MPPED2: variants seen among roughly 807,000 people sequenced by gnomAD.
The protein encoded by MPPED2 is metallophosphoesterase MPPED2.
A neutral mutation model predicts 33.0 loss-of-function variants in MPPED2; 5 were observed. The ratio of observed to expected loss-of-function variants is 0.15; its 90% CI spans 0.08 to 0.32. The LOEUF is 0.32. Among genes scored for constraint, MPPED2 ranks in the 10% least tolerant of loss-of-function variants. The probability of loss-of-function intolerance (pLI) is 1.00; values close to 1 mark genes in which losing one functional copy is unlikely to be tolerated. For synonymous variants in MPPED2, 136 were observed against 141.9 expected (o/e 0.96, Z 0.29); for missense variants, 275 against 372.1 (o/e 0.74, Z 2.15).
chr11:30,404,533 A>T (rs545905426), intron 6 of MPPED2, among the ~76,000 whole-genome samples: 17 of 152,342 alleles, frequency 1.1e-4, no homozygotes, highest in African/African-American at 3.8e-4. Context: ...ATTAGCAGGC[A>T]GACTCCCTTT....
downstream of MPPED2, chr11:30,410,012 G>T: frequency 1.3e-6 from 1 of 741,686 alleles, no homozygotes; most frequent in Non-Finnish European, 1.6e-6. Flanking sequence ...ACAGATGACA[G>T]CATGATGGAA....
intron 4 of MPPED2, among the ~76,000 whole-genome samples, chr11:30,420,186 ACC>A (rs753625285): frequency 2.3e-4 from 35 of 152,178 alleles, no homozygotes; most frequent in Non-Finnish European, 4.6e-4. Context: ...GCCCAGTGTA[ACC>A]CCAAGGGTCC....
At chr11:30,551,545 A>G (rs1955714987) in intron 2 of MPPED2, among the ~76,000 whole-genome samples, 1 of 152,206 alleles carries the variant, frequency 6.6e-6, no homozygotes, top group Non-Finnish European at 1.5e-5. Context: ...AGTTTGGTCC[A>G]TTTTGATACT....
intron 6 of MPPED2, among the ~76,000 whole-genome samples, chr11:30,397,889 G>C (rs1947858567): frequency 1.3e-5 from 2 of 152,162 alleles, no homozygotes; most frequent in South Asian, 4.2e-4. Context: ...TTTCAACCAT[G>C]TACCCTGTGA....
At chr11:30,573,820 TC>T (rs966923553) in intron 2 of MPPED2, among the ~76,000 whole-genome samples, 1 of 152,092 alleles carries the variant, frequency 6.6e-6, no homozygotes, top group Non-Finnish European at 1.5e-5. Flanking sequence ...TTCATTCCCT[TC>T]CCACCATGTC....
intron 4 of MPPED2, among the ~76,000 whole-genome samples, chr11:30,427,269 G>GC (rs1948881353): frequency 6.6e-6 from 1 of 152,184 alleles, no homozygotes; most frequent in East Asian, 1.9e-4. Flanking sequence ...TGAAATCTCT[G>GC]CCCCCAAATA....
chr11:30,518,523 C>T (rs1953668108), intron 3 of MPPED2, among the ~76,000 whole-genome samples: 1 of 152,098 alleles, frequency 6.6e-6, no homozygotes, highest in Admixed American at 6.5e-5. Flanking sequence ...GTGATTTACC[C>T]AAGAAAGACA....
chr11:30,496,946 A>T (rs1406373842), intron 3 of MPPED2, among the ~76,000 whole-genome samples: 1 of 152,174 alleles, frequency 6.6e-6, no homozygotes, highest in Non-Finnish European at 1.5e-5. Context: ...CATATATAGC[A>T]AGGGCAATAA....
intron 2 of MPPED2, among the ~76,000 whole-genome samples, chr11:30,552,384 T>G (rs1163363918): frequency 6.6e-6 from 1 of 152,182 alleles, no homozygotes; most frequent in Non-Finnish European, 1.5e-5. Flanking sequence ...TTACTAAAGT[T>G]AGGGATAATT....
chr11:30,441,385 T>C (rs141096457), intron 4 of MPPED2: 40 of 152,294 alleles, frequency 2.6e-4, no homozygotes, highest in African/African-American at 8.4e-4. Flanking sequence ...GGGTTGACCA[T>C]GACACAATCA....
chr11:30,498,553 A>C (rs1212713039), intron 3 of MPPED2, among the ~76,000 whole-genome samples: 1 of 151,884 alleles, frequency 6.6e-6, no homozygotes, highest in African/African-American at 2.4e-5. Flanking sequence ...GTCTCAAAAA[A>C]AAAAAAAAAA....
At position 30,411,520 on chromosome 11, in the gene MPPED2, T is replaced by C; in HGVS notation, c.833A>G (p.Gln278Arg). 2 of 1,614,018 alleles carry C rather than the reference T, an allele frequency of 1.2e-6. No individual in the cohort carries two copies. The highest frequency in any genetic ancestry group is 1.7e-6 in the Non-Finnish European group (2 of 1,179,908). ...AAATATAATTGGAGGGTTGGTCGGT[T>C]GAAAGCTGACTGTACACGTCGAGGC... ...INASTCTVSF[Q>R]PTNPPIIFDL... is the part of the protein sequence containing the mutation. Residue 278 changes from glutamine (Q) to arginine (R), a missense_variant, in exon 7 of 7, where the codon CAA becomes CGA. Physicochemically the swap from Gln to Arg is conservative, Grantham distance 43 (BLOSUM62 1). Transcript: ENST00000358117.
At chr11:30,416,095 CT>C (rs1948342974) in intron 5 of MPPED2, among the ~76,000 whole-genome samples, 1 of 152,218 alleles carries the variant, frequency 6.6e-6, no homozygotes. Flanking sequence ...TTAATTATGA[CT>C]TGATAAAGGT....
At chr11:30,537,429 A>G (rs1469473565) in intron 2 of MPPED2, among the ~76,000 whole-genome samples, 1 of 152,212 alleles carries the variant, frequency 6.6e-6, no homozygotes. Context: ...TGAAAGCTCC[A>G]CACAAGACTC....
chr11:30,497,747 A>T (rs11031116), intron 3 of MPPED2, among the ~76,000 whole-genome samples: 34,569 of 150,052 alleles, frequency 0.23, 4,983 homozygotes, highest in Non-Finnish European at 0.32. Context: ...CTGCAAAGTA[A>T]ATCTTTCTCA....
At chr11:30,562,206 C>G (rs1956267007) in intron 2 of MPPED2, among the ~76,000 whole-genome samples, 1 of 152,184 alleles carries the variant, frequency 6.6e-6, no homozygotes, top group African/African-American at 2.4e-5. Flanking sequence ...ACTCCCACAA[C>G]CAAGCAAAAA....
chr11:30,403,548 T>C (rs1385158535), intron 6 of MPPED2, among the ~76,000 whole-genome samples: 3 of 152,222 alleles, frequency 2.0e-5, no homozygotes, highest in Non-Finnish European at 4.4e-5. Flanking sequence ...GAGGCAAATA[T>C]AGTATTTCAA....
At chr11:30,408,355 G>C (rs1347779964), downstream of MPPED2, among the ~76,000 whole-genome samples, 1 of 152,152 alleles carries the variant, frequency 6.6e-6, no homozygotes, top group Non-Finnish European at 1.5e-5. Flanking sequence ...CATCTCCCAG[G>C]CTGGAGTGCA....
At chr11:30,384,474 CTT>C (rs200252636), downstream of MPPED2, 9 of 131,334 alleles carry the variant, frequency 6.9e-5, no homozygotes, top group Non-Finnish European at 9.7e-5. Flanking sequence ...TTTCTTTTTT[CTT>C]TTTTTTTTTT....
Sources: gnomAD v4.1 joint callset for allele counts (sites outside exome capture counted in the v4.1 genomes callset) on GRCh38, gnomAD v4.1.1 for gene constraint, MANE v1.5 for transcripts, NCBI Gene and HGNC (gene_info 2026-07-23, HGNC 2026-07-21) for gene names.